Variants in C2orf15 observed in about 807,000 individuals in gnomAD.
C2orf15 encodes chromosome 2 open reading frame 15.
C2orf15 carries 3 observed loss-of-function variants against 4.4 expected under a neutral mutation model. The ratio of observed to expected loss-of-function variants is 0.67; its 90% CI spans 0.31 to 1.74. The LOEUF is 1.74. Among genes scored for constraint, C2orf15 ranks in the 40% most tolerant of loss-of-function variants. The pLI is 0.09. For synonymous variants in C2orf15, 37 were observed against 36.8 expected, an observed-to-expected ratio of 1.00 and a Z score of -0.02; for missense variants, 90 against 103.3, an observed-to-expected ratio of 0.87 and a Z score of 0.56.
At chr2:99,144,361 C>T (rs149295454) in intron 2 of C2orf15, among the ~76,000 whole-genome samples, 280 of 151,976 alleles carry the variant, frequency 1.8e-3, no homozygotes, top group African/African-American at 6.3e-3. Flanking sequence ...CTCCTTATGC[C>T]GAGGCCTGAA....
intron 2 of C2orf15, among the ~76,000 whole-genome samples, chr2:99,143,796 G>A (rs2093602737): frequency 6.6e-6 from 1 of 152,086 alleles, no homozygotes; most frequent in African/African-American, 2.4e-5. Flanking sequence ...ATAGTACCCT[G>A]TGCTTGCTCT....
intron 3 of C2orf15, among the ~76,000 whole-genome samples, chr2:99,147,892 A>G (rs895674795): frequency 3.1e-4 from 47 of 152,220 alleles, no homozygotes; most frequent in African/African-American, 9.9e-4. Flanking sequence ...AAGAACAAGG[A>G]CATTGACTTA....
At chr2:99,146,565 A>G (rs939559793) in intron 2 of C2orf15, among the ~76,000 whole-genome samples, 1 of 152,114 alleles carries the variant, frequency 6.6e-6, no homozygotes, top group African/African-American at 2.4e-5. Flanking sequence ...AAGGTAACAG[A>G]TATTTTCTTC....
Position 99,150,842 on chromosome 2 carries a change from T to C in C2orf15, c.*8T>C, listed in dbSNP as rs185415798. On this transcript the variant is annotated 3_prime_UTR_variant, in exon 4 of 4. Coordinates refer to ENST00000650052, the MANE Select transcript of C2orf15 (RefSeq NM_144706.4). Reference sequence around the variant, plus strand: ...ATGACAGATGTGGAATGAAGCAATTTGTACGTATTACCAAAGAAACCAAAA... The same window carrying C: ...ATGACAGATGTGGAATGAAGCAATTCGTACGTATTACCAAAGAAACCAAAA... The C allele has an allele frequency of 1.5e-3, 2,409 of 1,558,526 alleles. 6 individuals carry two copies. The highest frequency in any genetic ancestry group is 1.7e-3 in the Non-Finnish European group (1,955 of 1,153,874).
rs766589650 is a variant in C2orf15, at chr2:99,150,799, G to A, written c.241G>A (p.Glu81Lys). 1.2e-6 allele frequency: 2 copies of A among 1,600,066 alleles called. No individual in the cohort carries two copies. Among genetic ancestry groups the A allele is most frequent in the Non-Finnish European group, 1.7e-6 (2 of 1,175,982 alleles). The change falls in exon 4 of 4, where the codon GAA (glutamate) becomes AAA (lysine). Residue 81 changes from glutamate (E) to lysine (K), a missense_variant. By Grantham distance (56) the Glu-to-Lys change is moderately conservative. Coordinates refer to ENST00000650052, the MANE Select transcript of C2orf15 (RefSeq NM_144706.4). ...CTTGGGTTCAGTGGTATATGTCAAA[G>A]AAAGTGATGGACTAGAAATGACAGA... ...KALGSVVYVK[E>K]SDGLEMTDVE
At chr2:99,149,503 C>T (rs141984539) in intron 3 of C2orf15, among the ~76,000 whole-genome samples, 8,570 of 142,506 alleles carry the variant, frequency 0.06, 480 homozygotes, top group East Asian at 0.21. Context: ...AGTGCAGTGG[C>T]GCGATCTCGG....
intron 2 of C2orf15, among the ~76,000 whole-genome samples, chr2:99,145,715 A>G (rs2093624917): frequency 6.6e-6 from 1 of 152,220 alleles, no homozygotes; most frequent in African/African-American, 2.4e-5. Flanking sequence ...GGACAAAGAC[A>G]TCTTTGAAGA....
At chr2:99,149,785 CTTTT>C (rs70940143) in intron 3 of C2orf15, among the ~76,000 whole-genome samples, 6 of 112,450 alleles carry the variant, frequency 5.3e-5, no homozygotes, top group Admixed American at 1.0e-4. Flanking sequence ...TCACAAGTAT[CTTTT>C]TTTTTTTTTT....
At chr2:99,149,138 C>T (rs534889373) in intron 3 of C2orf15, among the ~76,000 whole-genome samples, 21 of 150,284 alleles carry the variant, frequency 1.4e-4, no homozygotes, top group Admixed American at 5.3e-4. Flanking sequence ...CCACTTCACT[C>T]CAGCCTGGGT....
rs899672668 is a variant in C2orf15 at position 99,150,935 on chromosome 2, G to T, written c.*101G>T. On this transcript the variant is annotated 3_prime_UTR_variant, in exon 4 of 4. Transcript: ENST00000650052. ...TATTAGGAAACCCTGACAAAATGATGGAAGACTATTGCCTTATTTTGCACT... is the reference window on the plus strand; with the variant it reads ...TATTAGGAAACCCTGACAAAATGATTGAAGACTATTGCCTTATTTTGCACT... 6 of 719,418 alleles carry T rather than the reference G, an allele frequency of 8.3e-6. No homozygotes were observed. Among genetic ancestry groups the T allele is most frequent in the Non-Finnish European group, 1.2e-5 (5 of 428,160 alleles). 44.6% of individuals were successfully genotyped at this position (719,418 alleles called of 1,614,324 possible). A position where few individuals can be genotyped will look rare whatever the true frequency, so the allele number is the denominator to read the frequency against.
Position 99,147,414 on chromosome 2 carries a change from A to G in C2orf15, c.-156A>G, listed in dbSNP as rs1051389602. On this transcript the variant is annotated 5_prime_UTR_variant, in exon 3 of 4. The change abolishes an upstream ATG in the 5' untranslated region. Transcript: ENST00000650052. ...ATATATATTCCAGATTTCTTCTTGAATGGCAACCTAAATGCCAGTCCAAAG... is the reference window on the plus strand; with the variant it reads ...ATATATATTCCAGATTTCTTCTTGAGTGGCAACCTAAATGCCAGTCCAAAG... 1 of 1,558,724 alleles carries G rather than the reference A, an allele frequency of 6.4e-7. No homozygotes were observed. The highest frequency in any genetic ancestry group is 8.8e-7 in the Non-Finnish European group (1 of 1,130,244).
At chr2:99,149,785 C>CTTTTT (rs70940143) in intron 3 of C2orf15, among the ~76,000 whole-genome samples, 1 of 112,456 alleles carries the variant, frequency 8.9e-6, no homozygotes, top group African/African-American at 3.7e-5. Context: ...TCACAAGTAT[C>CTTTTT]TTTTTTTTTT....
chr2:99,144,649 CAAAAA>C (rs70940140), intron 2 of C2orf15, among the ~76,000 whole-genome samples: 7 of 52,268 alleles, frequency 1.3e-4, no homozygotes, highest in East Asian at 1.7e-3. Flanking sequence ...AACTCTGTCT[CAAAAA>C]AAAAAAAAAA....
In C2orf15 at chr2:99,150,846, CG is replaced by C. The variant is rs1559158987; in HGVS notation, c.*13del. ...CAGATGTGGAATGAAGCAATTTGTACGTATTACCAAAGAAACCAAAAACTGC... is the reference window on the plus strand; with the variant it reads ...CAGATGTGGAATGAAGCAATTTGTACTATTACCAAAGAAACCAAAAACTGC... On this transcript the variant is annotated 3_prime_UTR_variant, in exon 4 of 4. Transcript: ENST00000650052. 1 of 1,543,686 alleles carries C rather than the reference CG, an allele frequency of 6.5e-7. No individual in the cohort carries two copies.
Position 99,147,394 on chromosome 2 carries a change from T to C in C2orf15, c.-168-8T>C, listed in dbSNP as rs2093643130. On this transcript the variant is annotated splice_region_variant and splice_polypyrimidine_tract_variant and intron_variant, in intron 2 of 3. Transcript: ENST00000650052. The stretch of plus-strand genomic sequence containing the variant: ...TTATGTACCTTTATTCTTACATATA[T>C]ATTCCAGATTTCTTCTTGAATGGCA... The C allele has an allele frequency of 3.8e-6, 5 of 1,330,804 alleles. No individual in the cohort carries two copies. The highest frequency in any genetic ancestry group is 1.4e-5 in the African/African-American group (1 of 69,282). 82.4% of individuals were successfully genotyped at this position (1,330,804 alleles called of 1,614,324 possible). A position where few individuals can be genotyped will look rare whatever the true frequency, so the allele number is the denominator to read the frequency against.
At chr2:99,147,888 A>G (rs1419369821) in intron 3 of C2orf15, among the ~76,000 whole-genome samples, 2 of 152,232 alleles carry the variant, frequency 1.3e-5, no homozygotes, top group Non-Finnish European at 2.9e-5. Context: ...TCCTAAGAAC[A>G]AGGACATTGA....
chr2:99,143,312 TTTG>T lies in C2orf15; in HGVS notation c.-169+914_-169+916del, dbSNP rs1171873287. ...GCCCACTACTACGCCCAGCTTTTTT[TTTG>T]TTTGTTTTTTGTTTTTTGTATTTTT... On this transcript the variant is annotated intron_variant, in intron 2 of 3. Coordinates refer to ENST00000650052, the MANE Select transcript of C2orf15 (RefSeq NM_144706.4). 6.0e-5 allele frequency among the ~76,000 whole-genome samples: 9 copies of T among 151,120 alleles called. No homozygotes were observed. The East Asian group carries it at 7.9e-4, about 13-fold the overall frequency.
intron 2 of C2orf15, among the ~76,000 whole-genome samples, chr2:99,143,010 G>T (rs1052392471): frequency 6.6e-6 from 1 of 151,558 alleles, no homozygotes; most frequent in South Asian, 2.1e-4. Context: ...AGGGTGAAAA[G>T]ATTTTCCTTT....
chr2:99,146,687 G>A (rs1392072517), intron 2 of C2orf15, among the ~76,000 whole-genome samples: 2 of 152,032 alleles, frequency 1.3e-5, no homozygotes, highest in Non-Finnish European at 1.5e-5. Flanking sequence ...GGAGTGCAAT[G>A]GTATGATCTC....
Sources: allele counts gnomAD v4.1 joint callset (sites outside exome capture counted in the v4.1 genomes callset), GRCh38; gene constraint gnomAD v4.1.1; transcripts MANE v1.5; gene names NCBI Gene and HGNC (gene_info 2026-07-23, HGNC 2026-07-21).